LIPC: variants seen among roughly 807,000 people sequenced by gnomAD.
The protein encoded by LIPC is lipase C, hepatic type.
A neutral mutation model predicts 50.7 loss-of-function variants in LIPC; 44 were observed. The ratio of observed to expected loss-of-function variants is 0.87; its 90% CI spans 0.68 to 1.11. LIPC has a LOEUF of 1.11. Ranked by LOEUF, LIPC falls within the 50% of genes most tolerant of loss-of-function variation. LIPC has a pLI of 0.00. For synonymous variants in LIPC, 271 were observed against 256.4 expected (o/e 1.06, Z -0.54); for missense variants, 697 against 648.2 (o/e 1.08, Z -0.82).
At chr15:58,556,117 T>C (rs1487690107) in intron 6 of LIPC, among the ~76,000 whole-genome samples, 2 of 152,222 alleles carry the variant, frequency 1.3e-5, no homozygotes, top group Non-Finnish European at 2.9e-5. Flanking sequence ...AGAAAGATGA[T>C]GTATGTAAAA....
intron 2 of LIPC, among the ~76,000 whole-genome samples, chr15:58,541,173 TC>T (rs1480629966): frequency 6.6e-6 from 1 of 152,060 alleles, no homozygotes; most frequent in Non-Finnish European, 1.5e-5. Flanking sequence ...GCTCTGTAAA[TC>T]CATTAGGAGT....
intron 8 of LIPC, 99 bp from the exon 9 acceptor site, chr15:58,568,617 T>C (rs1894462397): frequency 1.3e-6 from 1 of 749,014 alleles, no homozygotes. Flanking sequence ...AGACATCACA[T>C]GCCTTACACA....
At chr15:58,493,557 A>G (rs2414585) in intron 1 of LIPC, among the ~76,000 whole-genome samples, 22,466 of 24,812 alleles carry the variant, frequency 0.91, 10,353 homozygotes, top group Middle Eastern at 0.98. Flanking sequence ...AATTTATTAC[A>G]TATAAATAAA....
intron 6 of LIPC, among the ~76,000 whole-genome samples, chr15:58,552,639 G>T (rs370780458): frequency 2.9e-4 from 44 of 152,340 alleles, no homozygotes; most frequent in African/African-American, 9.9e-4. Flanking sequence ...ACCCTTCCTT[G>T]CTGGTCGGCG....
At chr15:58,513,737 T>C (rs1244778131) in intron 1 of LIPC, among the ~76,000 whole-genome samples, 3 of 152,208 alleles carry the variant, frequency 2.0e-5, no homozygotes, top group Non-Finnish European at 4.4e-5. Context: ...CAGTTCACAG[T>C]TGTGCAGCTG....
chr15:58,565,181 C>T (rs1894320844), intron 8 of LIPC: 1 of 1,535,186 alleles, frequency 6.5e-7, no homozygotes, highest in Non-Finnish European at 8.7e-7. Context: ...GCCAACAGAT[C>T]TCCCAACAGG....
At chr15:58,524,720 C>G (rs1413761618) in intron 1 of LIPC, among the ~76,000 whole-genome samples, 1 of 152,150 alleles carries the variant, frequency 6.6e-6, no homozygotes, top group Non-Finnish European at 1.5e-5. Context: ...TGTGAAACGG[C>G]TCCTCATGTC....
At chr15:58,486,634 C>T (rs937320658) in intron 1 of LIPC, among the ~76,000 whole-genome samples, 1 of 152,170 alleles carries the variant, frequency 6.6e-6, no homozygotes, top group Non-Finnish European at 1.5e-5. Flanking sequence ...TGGCTCCTAC[C>T]ACCCAGCAAT....
intron 1 of LIPC, among the ~76,000 whole-genome samples, chr15:58,512,737 T>G (rs1480252695): frequency 2.0e-5 from 3 of 151,862 alleles, no homozygotes; most frequent in Non-Finnish European, 2.9e-5. Flanking sequence ...CAAATATGGG[T>G]TGAGCAACAG....
chr15:58,561,124 T>G, intron 7 of LIPC, 143 bp downstream of exon 7: 1 of 694,742 alleles, frequency 1.4e-6, no homozygotes, highest in Non-Finnish European at 2.7e-6. Flanking sequence ...GAGACACATG[T>G]CAATCAATTT....
intron 1 of LIPC, among the ~76,000 whole-genome samples, chr15:58,457,579 A>C (rs1201476185): frequency 6.6e-6 from 1 of 152,102 alleles, no homozygotes; most frequent in Non-Finnish European, 1.5e-5. Context: ...CTTCTGCCCC[A>C]CCCATTGCTG....
At position 58,437,945 on chromosome 15, in the gene LIPC, G is replaced by A. The variant is rs529401252; in HGVS notation, c.88+5825G>A. On this transcript the variant is annotated intron_variant, in intron 1 of 8. Coordinates refer to ENST00000299022, the MANE Select transcript of LIPC (RefSeq NM_000236.3). ...GCTGAAAGGTCCACCCTGGAGAGAC[G>A]GGGGACAGCAGCCTGTCCTCCACTC... is the stretch of plus-strand genomic sequence containing the variant. Among the ~76,000 whole-genome samples, 160 of 152,232 alleles carry A rather than the reference G, an allele frequency of 1.1e-3. 1 individual carries two copies. Among genetic ancestry groups the A allele is most frequent in the African/African-American group, 3.7e-3 (153 of 41,536 alleles).
chr15:58,469,016 G>A (rs532822251), intron 1 of LIPC, among the ~76,000 whole-genome samples: 4 of 152,066 alleles, frequency 2.6e-5, no homozygotes, highest in Non-Finnish European at 4.4e-5. Flanking sequence ...ATCTGAAAAC[G>A]TCATGATGAG....
chr15:58,539,280 G>A (rs1432630028), intron 2 of LIPC, among the ~76,000 whole-genome samples: 1 of 152,164 alleles, frequency 6.6e-6, no homozygotes, highest in East Asian at 1.9e-4. Context: ...AATGGCTTTT[G>A]GTATAAAAGA....
intron 1 of LIPC, among the ~76,000 whole-genome samples, chr15:58,443,620 G>A (rs1893580647): frequency 6.6e-6 from 1 of 152,144 alleles, no homozygotes; most frequent in African/African-American, 2.4e-5. Flanking sequence ...ACGGCTCCTC[G>A]GTGACTTAGT....
At chr15:58,472,811 A>G (rs1353563819) in intron 1 of LIPC, among the ~76,000 whole-genome samples, 1 of 152,140 alleles carries the variant, frequency 6.6e-6, no homozygotes, top group Admixed American at 6.5e-5. Flanking sequence ...CAACGGCCTT[A>G]TGAGGTTTGC....
At chr15:58,468,763 A>T (rs1380831319) in intron 1 of LIPC, among the ~76,000 whole-genome samples, 1 of 152,192 alleles carries the variant, frequency 6.6e-6, no homozygotes, top group Non-Finnish European at 1.5e-5. Flanking sequence ...ACAACCACAG[A>T]ACTACAGAGC....
intron 1 of LIPC, among the ~76,000 whole-genome samples, chr15:58,514,635 C>T (rs1440942056): frequency 6.6e-6 from 1 of 152,054 alleles, no homozygotes; most frequent in African/African-American, 2.4e-5. Flanking sequence ...ACCAGCCTGG[C>T]AAACATGGCA....
chr15:58,448,830 A>T (rs1893795206), intron 1 of LIPC, among the ~76,000 whole-genome samples: 1 of 152,270 alleles, frequency 6.6e-6, no homozygotes, highest in African/African-American at 2.4e-5. Context: ...GGCAAGTAGT[A>T]ACTAAACGGT....
Sources: gnomAD v4.1 joint callset for allele counts (sites outside exome capture counted in the v4.1 genomes callset) on GRCh38, gnomAD v4.1.1 for gene constraint, MANE v1.5 for transcripts, NCBI Gene and HGNC (gene_info 2026-07-23, HGNC 2026-07-21) for gene names.